PYGB: variants seen among roughly 807,000 people sequenced by gnomAD.
PYGB encodes glycogen phosphorylase, brain form.
PYGB carries 82 observed loss-of-function variants against 94.3 expected under a neutral mutation model. That is an observed-to-expected ratio of 0.87 (90% CI 0.73 to 1.04). The LOEUF (loss-of-function observed/expected upper bound fraction) is 1.04. PYGB is among the 50% of genes least tolerant of loss of function. The pLI is 0.00. For synonymous variants in PYGB, 488 were observed against 479.1 expected (o/e 1.02, Z -0.24); for missense variants, 1,132 against 1,158.2 (o/e 0.98, Z 0.33).
chr20:25,294,415 A>G, intron 18 of PYGB, 123 bp downstream of exon 18: 1 of 1,270,852 alleles, frequency 7.9e-7, no homozygotes, highest in Non-Finnish European at 1.1e-6. Context: ...CGTCTTCTCC[A>G]CTGTGCCCAT....
chr20:25,280,902 G>GT (rs1568693622), intron 10 of PYGB, 47 bp from the exon 11 acceptor site: 5 of 1,598,836 alleles, frequency 3.1e-6, no homozygotes, highest in Non-Finnish European at 4.3e-6. Context: ...CTGGGTCTCC[G>GT]TGGGGCCTCC....
intron 1 of PYGB, among the ~76,000 whole-genome samples, chr20:25,255,221 A>C (rs1277729271): frequency 6.6e-6 from 1 of 152,208 alleles, no homozygotes; most frequent in East Asian, 1.9e-4. Context: ...GACACAGTGG[A>C]GTGGACACTG....
intron 9 of PYGB, among the ~76,000 whole-genome samples, chr20:25,280,045 T>A (rs2088351593): frequency 6.6e-6 from 1 of 152,242 alleles, no homozygotes; most frequent in Admixed American, 6.5e-5. Flanking sequence ...TGGACCATAA[T>A]GTCACACTTC....
At chr20:25,249,290 C>T (rs2092880892) in intron 1 of PYGB, among the ~76,000 whole-genome samples, 1 of 152,232 alleles carries the variant, frequency 6.6e-6, no homozygotes, top group Admixed American at 6.5e-5. Flanking sequence ...CACTGATAAA[C>T]AGCTTTGCAG....
Position 25,275,473 on chromosome 20 carries a change from G to T in PYGB, c.660+750G>T, listed in dbSNP as rs540279077. Among the ~76,000 whole-genome samples the T allele has an allele frequency of 1.3e-4, 20 of 152,356 alleles. No homozygotes were observed. In the South Asian group the frequency reaches 3.9e-3, roughly 30 times the overall value. ...AGCCACCTGTGATGGAGAAGGACGG[G>T]CAATAACAGGAGAGCCTGGAGGCTG... On this transcript the variant is annotated intron_variant, in intron 5 of 19. Coordinates refer to ENST00000216962, the MANE Select transcript of PYGB (RefSeq NM_002862.4).
At chr20:25,278,945 G>T in intron 8 of PYGB, 112 bp from the exon 9 acceptor site, 1 of 1,006,432 alleles carries the variant, frequency 9.9e-7, no homozygotes, top group South Asian at 1.6e-5. Context: ...AGGCTTCTCG[G>T]GGGTGGGGTG....
At chr20:25,266,788 C>G (rs921227054) in intron 2 of PYGB, among the ~76,000 whole-genome samples, 2 of 152,152 alleles carry the variant, frequency 1.3e-5, no homozygotes. Flanking sequence ...GAGGGAAATG[C>G]AAATCAAAAC....
At chr20:25,295,311 C>T (rs1209940802) in intron 18 of PYGB, among the ~76,000 whole-genome samples, 1 of 152,276 alleles carries the variant, frequency 6.6e-6, no homozygotes, top group Non-Finnish European at 1.5e-5. Context: ...GCAGCTCTAA[C>T]TGCCCTGCGT....
chr20:25,282,486 C>T (rs1001944596), intron 12 of PYGB, among the ~76,000 whole-genome samples: 14 of 152,232 alleles, frequency 9.2e-5, no homozygotes, highest in African/African-American at 3.4e-4. Flanking sequence ...ATGTTGGCTC[C>T]TATGCAAGCT....
intron 14 of PYGB, chr20:25,284,820 A>G: frequency 6.6e-6 from 1 of 152,472 alleles, no homozygotes; most frequent in East Asian, 1.9e-4. Context: ...TATACTTACA[A>G]AAATTAAGAT....
chr20:25,264,853 A>G (rs1168403473), intron 2 of PYGB, among the ~76,000 whole-genome samples: 1 of 152,230 alleles, frequency 6.6e-6, no homozygotes, highest in Non-Finnish European at 1.5e-5. Flanking sequence ...CCTACTGCCC[A>G]AGGTAATTTA....
intron 12 of PYGB, among the ~76,000 whole-genome samples, chr20:25,282,537 C>T (rs144493168): frequency 3.3e-5 from 5 of 152,386 alleles, no homozygotes; most frequent in Admixed American, 6.5e-5. Context: ...CCCTGCGCTA[C>T]AGGCAAGGAC....
chr20:25,272,672 CT>C (rs1332083008), intron 4 of PYGB, among the ~76,000 whole-genome samples: 8 of 152,214 alleles, frequency 5.3e-5, no homozygotes, highest in African/African-American at 1.9e-4. Flanking sequence ...GGATCCATTG[CT>C]TGATTTGTGG....
chr20:25,278,448 A>G lies in PYGB; in HGVS notation c.985A>G (p.Thr329Ala), dbSNP rs199872010. 30 of 1,614,104 alleles carry G rather than the reference A, an allele frequency of 1.9e-5. No homozygotes were observed. In the African/African-American group the frequency reaches 2.8e-4, roughly 15 times the overall value. Residue 329 changes from threonine (T) to alanine (A), a missense_variant, in exon 8 of 20, where the codon ACG (threonine) becomes GCG (alanine). By Grantham distance (58) the Thr-to-Ala change is moderately conservative. Transcript: ENST00000216962. ...GGACCCTGTGAGAACCTGTTTCGAGACGTTCCCAGACAAGGTGCATGGTGG... is the reference window on the plus strand; with the variant it reads ...GGACCCTGTGAGAACCTGTTTCGAGGCGTTCCCAGACAAGGTGCATGGTGG... The part of the protein sequence containing the change: ...CRDPVRTCFE[T>A]FPDKVAIQLN...
Position 25,284,157 on chromosome 20 carries a change from C to T in PYGB, c.1674C>T (p.Ile558=), listed in dbSNP as rs754805431. The change falls in exon 14 of 20, where the codon ATC becomes ATT. Residue 558 remains isoleucine, a synonymous_variant. Transcript: ENST00000216962. The stretch of plus-strand genomic sequence containing the variant: ...TGGAGAAGGAGTACAAGGTGAAGAT[C>T]AACCCCTCCTCCATGTTCGATGTGC... ...AFLEKEYKVK[I]NPSSMFDVHV... 2.0e-5 allele frequency: 33 copies of T among 1,614,084 alleles called. No individual in the cohort carries two copies. Among genetic ancestry groups the T allele is most frequent in the Non-Finnish European group, 2.8e-5 (33 of 1,179,972 alleles).
intron 18 of PYGB, chr20:25,295,094 CGAT>C: frequency 6.7e-7 from 1 of 1,489,642 alleles, no homozygotes; most frequent in Non-Finnish European, 9.4e-7. Context: ...GCTTCTGACT[CGAT>C]AGTGAACAGA....
At chr20:25,271,260 C>T in intron 3 of PYGB, 123 bp from the exon 4 acceptor site, 4 of 857,680 alleles carry the variant, frequency 4.7e-6, no homozygotes, top group South Asian at 1.5e-5. Context: ...GTTTTCCTCT[C>T]AGTGAAGCCT....
intron 14 of PYGB, among the ~76,000 whole-genome samples, chr20:25,286,354 C>T (rs1358876682): frequency 1.3e-5 from 2 of 152,158 alleles, no homozygotes; most frequent in Non-Finnish European, 2.9e-5. Context: ...TCTCTGGAGT[C>T]TCTGCCGGCT....
chr20:25,281,992 G>T (rs375823665), intron 11 of PYGB, 41 bp from the exon 12 acceptor site: 4 of 1,524,872 alleles, frequency 2.6e-6, no homozygotes, highest in Non-Finnish European at 3.6e-6. Context: ...CTGGTGCAGG[G>T]CACAGCATTT....
Sources: allele counts gnomAD v4.1 joint callset (sites outside exome capture counted in the v4.1 genomes callset), GRCh38; gene constraint gnomAD v4.1.1; transcripts MANE v1.5; gene names NCBI Gene and HGNC (gene_info 2026-07-23, HGNC 2026-07-21).